Variants in SGCD observed in about 807,000 individuals in gnomAD.
SGCD encodes sarcoglycan delta.
SGCD carries 18 observed loss-of-function variants against 36.6 expected under a neutral mutation model. The observed-to-expected ratio is 0.49, with a 90% CI of 0.34 to 0.73. The LOEUF is 0.73. Ranked by LOEUF, SGCD falls within the 30% of genes least tolerant of loss-of-function variation. SGCD has a pLI of 0.01. For missense variants in SGCD, 387 were observed against 346.7 expected, an observed-to-expected ratio of 1.12 and a Z score of -0.92; for synonymous variants, 133 against 130.6, an observed-to-expected ratio of 1.02 and a Z score of -0.12.
chr5:155,832,612 C>T, the SGCD span, among the ~76,000 whole-genome samples: 1 of 152,100 alleles, frequency 6.6e-6, no homozygotes, highest in Non-Finnish European at 1.5e-5. Flanking sequence ...TGTGTTATAA[C>T]TGCTGGCAGC....
At chr5:156,652,766 CT>C (rs1250054242) in intron 7 of SGCD, among the ~76,000 whole-genome samples, 1 of 151,774 alleles carries the variant, frequency 6.6e-6, no homozygotes, top group Non-Finnish European at 1.5e-5. Context: ...CTTTTGATGC[CT>C]AGTTTTTTGG....
chr5:155,898,610 G>A (rs1756319932), intron 1 of SGCD, among the ~76,000 whole-genome samples: 1 of 152,278 alleles, frequency 6.6e-6, no homozygotes, highest in South Asian at 2.1e-4. Context: ...CAATTTTTAA[G>A]TTACAGTAGT....
intron 5 of SGCD, among the ~76,000 whole-genome samples, chr5:156,590,309 C>T (rs958841055): frequency 1.3e-5 from 2 of 152,162 alleles, no homozygotes; most frequent in Non-Finnish European, 2.9e-5. Context: ...CACTCTTCCC[C>T]TGGAGTGCTG....
chr5:156,072,334 A>T (rs1311145372), intron 1 of SGCD, among the ~76,000 whole-genome samples: 2 of 152,070 alleles, frequency 1.3e-5, no homozygotes, highest in Admixed American at 1.3e-4. Context: ...TGGTGGTCAC[A>T]TAATCTCTCA....
At chr5:156,610,512 C>T (rs1489186260) in intron 6 of SGCD, among the ~76,000 whole-genome samples, 1 of 152,238 alleles carries the variant, frequency 6.6e-6, no homozygotes, top group Non-Finnish European at 1.5e-5. Context: ...AGGGGGCAGT[C>T]TGTCCGTTCT....
chr5:156,344,426 AT>A (rs907669386), intron 2 of SGCD, 62 bp from the exon 3 acceptor site: 37 of 1,176,544 alleles, frequency 3.1e-5, no homozygotes, highest in Middle Eastern at 2.9e-4. Flanking sequence ...TTTTTCCTTT[AT>A]TTTTTTTCTC....
In SGCD at chr5:156,471,750, A is replaced by G. The variant is rs1177941488; in HGVS notation, c.193-36851A>G. 3.3e-5 allele frequency among the ~76,000 whole-genome samples: 5 copies of G among 152,226 alleles called. No individual in the cohort carries two copies. The East Asian group carries it at 9.6e-4, about 29-fold the overall frequency. ...TAAGTTTGAGAGTCAAATATTTCTT[A>G]GGACATAAAAAAGCACTAAACATAA... is the stretch of plus-strand genomic sequence containing the variant. On this transcript the variant is annotated intron_variant, in intron 3 of 8. Coordinates refer to ENST00000337851, the MANE Select transcript of SGCD (RefSeq NM_000337.6).
chr5:155,968,864 T>C (rs28456196), intron 1 of SGCD, among the ~76,000 whole-genome samples: 3,786 of 152,254 alleles, frequency 0.025, 158 homozygotes, highest in African/African-American at 0.081. Flanking sequence ...AATGAACATA[T>C]ATTAGCTGGT....
chr5:156,197,679 A>C (rs1764053681), intron 3 of SGCD, among the ~76,000 whole-genome samples: 1 of 152,008 alleles, frequency 6.6e-6, no homozygotes, highest in Non-Finnish European at 1.5e-5. Context: ...CTTGCTTACA[A>C]ATCTTAATTA....
At chr5:156,124,285 G>A (rs571964382) in intron 3 of SGCD, among the ~76,000 whole-genome samples, 1 of 152,314 alleles carries the variant, frequency 6.6e-6, no homozygotes, top group East Asian at 1.9e-4. Context: ...AAAGCATGCA[G>A]AGATGTTTGT....
At chr5:155,798,428 T>G in the SGCD span, among the ~76,000 whole-genome samples, 2 of 152,208 alleles carry the variant, frequency 1.3e-5, no homozygotes, top group Non-Finnish European at 2.9e-5. Flanking sequence ...GTACAATAGA[T>G]TTACCTTCTG....
At chr5:155,895,680 A>G (rs1225118253) in intron 1 of SGCD, among the ~76,000 whole-genome samples, 5 of 113,450 alleles carry the variant, frequency 4.4e-5, no homozygotes, top group Non-Finnish European at 1.1e-4. Flanking sequence ...ATTTCTTGTA[A>G]TGGCACCAAA....
intron 6 of SGCD, among the ~76,000 whole-genome samples, chr5:156,639,359 A>G (rs1364294838): frequency 2.0e-5 from 3 of 152,184 alleles, no homozygotes; most frequent in Non-Finnish European, 1.5e-5. Flanking sequence ...TGTTTTCAGC[A>G]TTCACATGTG....
intron 3 of SGCD, among the ~76,000 whole-genome samples, chr5:156,313,110 C>T (rs1767431005): frequency 6.6e-6 from 1 of 151,908 alleles, no homozygotes; most frequent in Non-Finnish European, 1.5e-5. Flanking sequence ...TTATTTGCCT[C>T]CTCTTTCTTC....
chr5:156,741,777 G>C (rs1453338092), intron 7 of SGCD, among the ~76,000 whole-genome samples: 1 of 152,134 alleles, frequency 6.6e-6, no homozygotes, highest in East Asian at 1.9e-4. Flanking sequence ...GAATTGGCTA[G>C]ACAATCAGTT....
intron 1 of SGCD, among the ~76,000 whole-genome samples, chr5:155,928,577 A>T (rs554500403): frequency 6.7e-6 from 1 of 148,302 alleles, no homozygotes; most frequent in African/African-American, 2.5e-5. Flanking sequence ...TTGAGGCAGG[A>T]GAATGGCTTG....
intron 1 of SGCD, among the ~76,000 whole-genome samples, chr5:155,893,806 G>C (rs1323384663): frequency 6.6e-6 from 1 of 152,196 alleles, no homozygotes; most frequent in East Asian, 1.9e-4. Context: ...ACATAATAGA[G>C]TGTACTTACA....
At chr5:156,071,633 C>G (rs979833126) in intron 1 of SGCD, among the ~76,000 whole-genome samples, 17 of 152,118 alleles carry the variant, frequency 1.1e-4, no homozygotes, top group Middle Eastern at 3.4e-3. Context: ...GAGTTCTGTA[C>G]ATGTCTATTA....
intron 3 of SGCD, among the ~76,000 whole-genome samples, chr5:156,183,716 T>C (rs1400511967): frequency 2.6e-5 from 4 of 152,140 alleles, no homozygotes; most frequent in Non-Finnish European, 5.9e-5. Flanking sequence ...CCATAATAAT[T>C]GTCTTAAAGG....
Sources: allele counts gnomAD v4.1 joint callset (sites outside exome capture counted in the v4.1 genomes callset), GRCh38; gene constraint gnomAD v4.1.1; transcripts MANE v1.5; gene names NCBI Gene and HGNC (gene_info 2026-07-23, HGNC 2026-07-21).